Variants in ZCCHC8 observed in about 807,000 individuals in gnomAD.
The protein encoded by ZCCHC8 is zinc finger CCHC domain-containing protein 8.
In ZCCHC8, 27 loss-of-function variants were observed where a neutral mutation model predicts 70.6. That is an observed-to-expected ratio of 0.38 (90% CI 0.28 to 0.53). ZCCHC8 has a LOEUF of 0.53. ZCCHC8 is among the 20% of genes least tolerant of loss of function. ZCCHC8 has a pLI of 0.81. For synonymous variants in ZCCHC8, 293 were observed against 317.4 expected (o/e 0.92, Z 0.82); for missense variants, 737 against 876.9 (o/e 0.84, Z 2.01).
intron 1 of ZCCHC8, chr12:122,499,918 G>A (rs1202485027): frequency 6.6e-6 from 1 of 151,880 alleles, no homozygotes; most frequent in Admixed American, 6.6e-5. Flanking sequence ...AAAACTACCC[G>A]AACCAAAGTT....
At chr12:122,488,293 A>G (rs981617088) in intron 5 of ZCCHC8, among the ~76,000 whole-genome samples, 2 of 151,636 alleles carry the variant, frequency 1.3e-5, no homozygotes, top group African/African-American at 4.8e-5. Flanking sequence ...CAGCCTCCCA[A>G]AGTCCTGGGA....
At position 122,492,812 on chromosome 12, in the gene ZCCHC8, T is replaced by A. The variant is rs529602770; in HGVS notation, c.243-23A>T. ...CCACTAAAACAGAAGTTAGAACATATTCTTAGAAGATATTTAAGTAAAACT... is the reference window on the plus strand; with the variant it reads ...CCACTAAAACAGAAGTTAGAACATAATCTTAGAAGATATTTAAGTAAAACT... On this transcript the variant is annotated intron_variant, in intron 2 of 13. Coordinates refer to ENST00000633063, the MANE Select transcript of ZCCHC8 (RefSeq NM_017612.5). The A allele has an allele frequency of 1.7e-5, 25 of 1,440,042 alleles. No homozygotes were observed. In the East Asian group the frequency reaches 6.2e-4, roughly 35 times the overall value. The allele number at this position is 1,440,042 out of a possible 1,614,324, so 89.2% of individuals were successfully genotyped here. A position where few individuals can be genotyped will look rare whatever the true frequency, so the allele number is the denominator to read the frequency against.
chr12:122,479,518 G>T (rs1490747066), intron 11 of ZCCHC8, among the ~76,000 whole-genome samples: 1 of 152,068 alleles, frequency 6.6e-6, no homozygotes, highest in East Asian at 1.9e-4. Flanking sequence ...AAAAAGGCAA[G>T]AATAATCAGG....
In ZCCHC8 at chr12:122,473,989, A is replaced by G. The variant is rs746916920; in HGVS notation, c.1632T>C (p.Pro544=). The change falls in exon 14 of 14, where the codon CCT becomes CCC. Residue 544 remains proline (P), a synonymous_variant. Transcript: ENST00000633063. ...AESVNSDSDV[P]VDTPLTGNSV... Reference sequence around the variant, plus strand: ...AATTGCCAGTTAAAGGTGTGTCCACAGGAACGTCGGAGTCGCTGTTTACGC... The same window carrying G: ...AATTGCCAGTTAAAGGTGTGTCCACGGGAACGTCGGAGTCGCTGTTTACGC... 6.3e-7 allele frequency: 1 copy of G among 1,585,008 alleles called. No individual in the cohort carries two copies. Among genetic ancestry groups the G allele is most frequent in the Non-Finnish European group, 8.6e-7 (1 of 1,166,718 alleles).
chr12:122,476,999 G>A (rs1303822261), intron 13 of ZCCHC8, among the ~76,000 whole-genome samples: 1 of 151,800 alleles, frequency 6.6e-6, no homozygotes, highest in East Asian at 1.9e-4. Flanking sequence ...TCCAGCCTGG[G>A]AGACAGTGAA....
At chr12:122,485,833 G>T (rs1957625259) in intron 5 of ZCCHC8, among the ~76,000 whole-genome samples, 3 of 152,076 alleles carry the variant, frequency 2.0e-5, no homozygotes. Flanking sequence ...ACCACGCCTG[G>T]CTAATTTTTT....
At chr12:122,482,932 T>C in intron 7 of ZCCHC8, 1 of 523,430 alleles carries the variant, frequency 1.9e-6, no homozygotes. Flanking sequence ...GTTACCTCTT[T>C]TGAGTTTTTT....
At position 122,500,918 on chromosome 12, in the gene ZCCHC8, A is replaced by ACT; in HGVS notation, c.-80_-79dup. The ACT allele has an allele frequency of 6.8e-7, 1 of 1,466,024 alleles. No individual in the cohort carries two copies. Among genetic ancestry groups the ACT allele is most frequent in the South Asian group, 1.2e-5 (1 of 81,802 alleles). 90.8% of individuals were successfully genotyped at this position (1,466,024 alleles called of 1,614,324 possible). On this transcript the variant is annotated 5_prime_UTR_variant, in exon 1 of 14. Coordinates refer to ENST00000633063, the MANE Select transcript of ZCCHC8 (RefSeq NM_017612.5). The surrounding 1 kb of genome is among the most constrained non-coding windows in gnomAD (Gnocchi z 4.8). ...GGGAAGAAGGTTGGAAGGCGGCACC[A>ACT]CTCTCTAGAGCTCTGGCCGCACGGA... is the stretch of plus-strand genomic sequence containing the variant.
intron 13 of ZCCHC8, among the ~76,000 whole-genome samples, chr12:122,477,091 T>A (rs1378897015): frequency 6.6e-6 from 1 of 151,422 alleles, no homozygotes; most frequent in Non-Finnish European, 1.5e-5. Context: ...AACTTTGAAG[T>A]CACTTGTGCA....
At chr12:122,489,538 G>T in intron 4 of ZCCHC8, 75 bp from the exon 5 acceptor site, 1 of 1,297,708 alleles carries the variant, frequency 7.7e-7, no homozygotes, top group Non-Finnish European at 1.1e-6. Flanking sequence ...AGTAAGTTTA[G>T]AAATTAAGCT....
Position 122,483,804 on chromosome 12 carries a change from A to G in ZCCHC8, c.502-241T>C. The G allele has an allele frequency of 2.5e-6, 1 of 401,460 alleles. No individual in the cohort carries two copies. The highest frequency in any genetic ancestry group is 4.4e-6 in the Non-Finnish European group (1 of 227,090). The allele number at this position is 401,460 out of a possible 1,614,324, so 24.9% of individuals were successfully genotyped here. A position where few individuals can be genotyped will look rare whatever the true frequency, so the allele number is the denominator to read the frequency against. On this transcript the variant is annotated intron_variant, in intron 5 of 13. Coordinates refer to ENST00000633063, the MANE Select transcript of ZCCHC8 (RefSeq NM_017612.5). The surrounding 1 kb of genome is among the most constrained non-coding windows in gnomAD (Gnocchi z 4.4). The stretch of plus-strand genomic sequence containing the variant: ...ATCATGACTATCAGCTGCATTCTCT[A>G]CAGAATTCAAACAAAAAATGAAAAC...
chr12:122,473,838 G>A lies in ZCCHC8; in HGVS notation c.1783C>T (p.His595Tyr). 2.5e-6 allele frequency: 4 copies of A among 1,613,896 alleles called. No homozygotes were observed. The highest frequency in any genetic ancestry group is 3.4e-6 in the Non-Finnish European group (4 of 1,179,880). ...EIFTKKSEAG[H>Y]ASSPDSEVTS... ...ACCTCAGAGTCTGGACTGGAGGCAT[G>A]TCCAGCTTCTGATTTCTTTGTAAAA... The change falls in exon 14 of 14, where the codon CAT becomes TAT. Residue 595 changes from histidine to tyrosine, a missense_variant. Transcript: ENST00000633063.
chr12:122,500,914 C>G lies in ZCCHC8; in HGVS notation c.-74G>C, dbSNP rs1957918538. 1 of 1,484,924 alleles carries G rather than the reference C, an allele frequency of 6.7e-7. No homozygotes were observed. The highest frequency in any genetic ancestry group is 9.1e-7 in the Non-Finnish European group (1 of 1,095,774). The allele number at this position is 1,484,924 out of a possible 1,614,324, so 92.0% of individuals were successfully genotyped here. A position where few individuals can be genotyped will look rare whatever the true frequency, so the allele number is the denominator to read the frequency against. On this transcript the variant is annotated 5_prime_UTR_variant, in exon 1 of 14. Coordinates refer to ENST00000633063, the MANE Select transcript of ZCCHC8 (RefSeq NM_017612.5). This position sits in a 1 kb window ranked among gnomAD's most constrained non-coding sequence, Gnocchi z 4.8. ...CTTGGGGAAGAAGGTTGGAAGGCGG[C>G]ACCACTCTCTAGAGCTCTGGCCGCA...
At chr12:122,475,908 G>T (rs1260561803) in intron 13 of ZCCHC8, among the ~76,000 whole-genome samples, 1 of 152,162 alleles carries the variant, frequency 6.6e-6, no homozygotes, top group Admixed American at 6.5e-5. Flanking sequence ...GGCCTGATGT[G>T]CTGTGAAGTT....
chr12:122,481,469 TAAA>T, intron 10 of ZCCHC8, 50 bp downstream of exon 10: 1 of 1,296,714 alleles, frequency 7.7e-7, no homozygotes, highest in South Asian at 1.7e-5. Flanking sequence ...ATTCTTTAAT[TAAA>T]AAAAAAAAGG....
Position 122,477,841 on chromosome 12 carries a change from C to G in ZCCHC8, c.1345G>C (p.Asp449His). ...GSPADMELDS[D>H]MEVPHGSQSS... ...ATCAGAGCCATAGGATGAAACCTAC[C>G]TGAATCGAGCTCCATGTCGGCGGGA... The change falls in exon 13 of 14, where the codon GAT becomes CAT. Residue 449 changes from aspartate to histidine, a missense_variant and splice_region_variant. Physicochemically the swap from Asp to His is moderately conservative, Grantham distance 81. Transcript: ENST00000633063. The G allele has an allele frequency of 6.2e-7, 1 of 1,604,812 alleles. No homozygotes were observed.
intron 2 of ZCCHC8, among the ~76,000 whole-genome samples, chr12:122,495,283 A>C (rs914244241): frequency 3.3e-5 from 5 of 152,162 alleles, no homozygotes; most frequent in African/African-American, 1.2e-4. Flanking sequence ...TGAGGTCAGG[A>C]GCTGGAGACC....
rs776006897 is a variant in ZCCHC8, at chr12:122,481,565, C to T, written c.975G>A (p.Glu325=). The change falls in exon 10 of 14, where the codon GAG becomes GAA. Residue 325 remains glutamate (E), a synonymous_variant. Transcript: ENST00000633063. ...QLGYPPGWLK[E]AELENSGLAL... ...CAAGCCCCGAATTCTCCAATTCAGC[C>T]TCTTTGAGCCACCCTGGTGGGTACC... The T allele has an allele frequency of 1.9e-5, 31 of 1,613,732 alleles. No individual in the cohort carries two copies. The highest frequency in any genetic ancestry group is 2.6e-5 in the Non-Finnish European group (31 of 1,179,858).
At chr12:122,493,490 C>T (rs902484512) in intron 2 of ZCCHC8, among the ~76,000 whole-genome samples, 122 of 151,828 alleles carry the variant, frequency 8.0e-4, no homozygotes, top group African/African-American at 2.7e-3. Context: ...GGGGCAATCT[C>T]GGCTCACTGC....
Sources: gnomAD v4.1 joint callset for allele counts (sites outside exome capture counted in the v4.1 genomes callset) on GRCh38, gnomAD v4.1.1 for gene constraint, Gnocchi (gnomAD v3.1) non-coding constraint, MANE v1.5 for transcripts, NCBI Gene and HGNC (gene_info 2026-07-23, HGNC 2026-07-21) for gene names.